The following MAST4 variants were observed in gnomAD, a reference collection of about 807,000 sequenced individuals.
MAST4 encodes microtubule-associated serine/threonine-protein kinase 4.
Under a neutral mutation model 162.7 loss-of-function variants are expected in MAST4, and 89 were observed. That is an observed-to-expected ratio of 0.55 (90% CI 0.46 to 0.65). The LOEUF is 0.65. Ranked by LOEUF, MAST4 falls within the 30% of genes least tolerant of loss-of-function variation. The pLI is 0.00. For synonymous variants in MAST4, 1,479 were observed against 1,361.1 expected (o/e 1.09, Z -1.91); for missense variants, 3,153 against 3,374.0 (o/e 0.93, Z 1.62).
chr5:66,986,359 CAG>C, intron 4 of MAST4: 1 of 930,396 alleles, frequency 1.1e-6, no homozygotes, highest in Non-Finnish European at 1.6e-6. Context: ...TGTTGTTACA[CAG>C]AGAAATACTT....
At chr5:67,117,929 T>C (rs1767117352) in intron 12 of MAST4, among the ~76,000 whole-genome samples, 1 of 152,252 alleles carries the variant, frequency 6.6e-6, no homozygotes, top group Non-Finnish European at 1.5e-5. Context: ...GAGCATGTGA[T>C]ATCCAATCCA....
chr5:66,679,334 G>A (rs371400565), intron 1 of MAST4, among the ~76,000 whole-genome samples: 2 of 152,168 alleles, frequency 1.3e-5, no homozygotes, highest in African/African-American at 4.8e-5. Context: ...GTGGTCAATT[G>A]CATGTGGTTA....
intron 3 of MAST4, among the ~76,000 whole-genome samples, chr5:66,790,170 G>A (rs1277093762): frequency 1.3e-5 from 2 of 151,822 alleles, no homozygotes; most frequent in Non-Finnish European, 2.9e-5. Context: ...TCAATGTATT[G>A]TGTCTTATAA....
chr5:66,923,207 C>T (rs1231277869), intron 4 of MAST4, among the ~76,000 whole-genome samples: 1 of 152,134 alleles, frequency 6.6e-6, no homozygotes, highest in Non-Finnish European at 1.5e-5. Flanking sequence ...TTTCATAGTC[C>T]TTGTATTAAT....
intron 2 of MAST4, among the ~76,000 whole-genome samples, chr5:66,786,917 G>A (rs538482833): frequency 2.8e-4 from 42 of 152,170 alleles, no homozygotes; most frequent in African/African-American, 1.0e-3. Flanking sequence ...TATTATGTAG[G>A]GTTGGCAGGA....
chr5:67,152,140 T>C (rs1293590072), intron 24 of MAST4, among the ~76,000 whole-genome samples: 1 of 152,232 alleles, frequency 6.6e-6, no homozygotes, highest in African/African-American at 2.4e-5. Context: ...TAAATTGCTT[T>C]CCTGGCCATG....
chr5:66,974,308 A>G (rs1480735627), intron 4 of MAST4, among the ~76,000 whole-genome samples: 6 of 152,218 alleles, frequency 3.9e-5, no homozygotes, highest in African/African-American at 1.4e-4. Context: ...ACATAATGTG[A>G]CCTCAACAAC....
At chr5:66,703,192 C>T (rs188410869) in intron 1 of MAST4, among the ~76,000 whole-genome samples, 10 of 152,236 alleles carry the variant, frequency 6.6e-5, no homozygotes, top group Admixed American at 1.3e-4. Flanking sequence ...TCAAGAATTC[C>T]TTTGGCATTT....
At chr5:66,981,901 C>A (rs1223804724) in intron 4 of MAST4, among the ~76,000 whole-genome samples, 2 of 152,140 alleles carry the variant, frequency 1.3e-5, no homozygotes, top group Non-Finnish European at 2.9e-5. Context: ...CACACAAACT[C>A]TTGATTCTCA....
intron 19 of MAST4, among the ~76,000 whole-genome samples, chr5:67,138,704 G>T (rs2151021510): frequency 6.6e-6 from 1 of 152,162 alleles, no homozygotes; most frequent in East Asian, 1.9e-4. Flanking sequence ...AAAGTGCTGG[G>T]ATTACAGACA....
At chr5:66,907,307 C>T (rs1334840501) in intron 4 of MAST4, among the ~76,000 whole-genome samples, 1 of 151,976 alleles carries the variant, frequency 6.6e-6, no homozygotes, top group African/African-American at 2.4e-5. Context: ...TGCAAACTTC[C>T]CGAGGCTTTA....
chr5:66,694,078 G>A (rs1207443244), intron 1 of MAST4, among the ~76,000 whole-genome samples: 1 of 152,216 alleles, frequency 6.6e-6, no homozygotes, highest in African/African-American at 2.4e-5. Flanking sequence ...ATTCACGGTG[G>A]CTGAGACTGG....
intron 4 of MAST4, among the ~76,000 whole-genome samples, chr5:66,961,550 A>G (rs1746017698): frequency 6.6e-6 from 1 of 152,216 alleles, no homozygotes; most frequent in Non-Finnish European, 1.5e-5. Context: ...TCAGAAATTA[A>G]TAAGTTGTTA....
intron 4 of MAST4, among the ~76,000 whole-genome samples, chr5:66,942,736 A>T (rs1447669292): frequency 6.6e-6 from 1 of 152,150 alleles, no homozygotes; most frequent in Non-Finnish European, 1.5e-5. Flanking sequence ...CCAATGTTTG[A>T]ATAAGGGTAG....
In MAST4 at chr5:66,627,080, G is replaced by A. The variant is rs147639513; in HGVS notation, c.363+30062G>A. ...GACTGGGTAATTTATAAAGGAAAGC[G>A]GCTTAATTGACTCACAGTTCAGCAG... On this transcript the variant is annotated intron_variant, in intron 1 of 28. Transcript: ENST00000403625. Among the ~76,000 whole-genome samples, 626 of 152,276 alleles carry A rather than the reference G, an allele frequency of 4.1e-3. 4 individuals are homozygous for A. The highest frequency in any genetic ancestry group is 0.014 in the African/African-American group (591 of 41,546).
Position 67,114,238 on chromosome 5 carries a change from C to G in MAST4, c.1591+19C>G. 2.5e-6 allele frequency: 4 copies of G among 1,601,646 alleles called. No individual in the cohort carries two copies. The highest frequency in any genetic ancestry group is 3.4e-6 in the Non-Finnish European group (4 of 1,176,016). ...TTGGAAGGTGAGTCCCTGGGTTGTT[C>G]CTACCTTTGACTTTGCTTATGCACT... is the stretch of plus-strand genomic sequence containing the variant. On this transcript the variant is annotated intron_variant, in intron 12 of 28. Coordinates refer to ENST00000403625, the MANE Select transcript of MAST4 (RefSeq NM_001164664.2).
chr5:66,847,489 C>T (rs1758940621), intron 3 of MAST4, among the ~76,000 whole-genome samples: 1 of 152,096 alleles, frequency 6.6e-6, no homozygotes, highest in Non-Finnish European at 1.5e-5. Context: ...CAAAAATTAG[C>T]CAGGCGTGGT....
At chr5:66,609,179 C>G (rs1360767970) in intron 1 of MAST4, among the ~76,000 whole-genome samples, 1 of 151,280 alleles carries the variant, frequency 6.6e-6, no homozygotes, top group African/African-American at 2.4e-5. Context: ...CCACGTGTCA[C>G]AAGTCTATCA....
chr5:67,151,806 C>T (rs572262240), intron 24 of MAST4, among the ~76,000 whole-genome samples: 5 of 127,290 alleles, frequency 3.9e-5, no homozygotes, highest in East Asian at 2.3e-4. Flanking sequence ...CTTGCTCTGT[C>T]GCCTAGGCTG....
Sources: gnomAD v4.1 joint callset for allele counts (sites outside exome capture counted in the v4.1 genomes callset) on GRCh38, gnomAD v4.1.1 for gene constraint, MANE v1.5 for transcripts, NCBI Gene and HGNC (gene_info 2026-07-23, HGNC 2026-07-21) for gene names.